Variants in TENM4 observed in about 807,000 individuals in gnomAD.
TENM4 encodes teneurin transmembrane protein 4.
In TENM4, 82 loss-of-function variants were observed where a neutral mutation model predicts 243.3. That is an observed-to-expected ratio of 0.34 (90% CI 0.28 to 0.40). TENM4 has a LOEUF of 0.40. Among genes scored for constraint, TENM4 ranks in the 10% least tolerant of loss-of-function variants. The pLI is 1.00. For synonymous variants in TENM4, 1,412 were observed against 1,456.3 expected (o/e 0.97, Z 0.69); for missense variants, 3,138 against 3,673.3 (o/e 0.85, Z 3.77).
At position 79,234,844 on chromosome 11, in the gene TENM4, G is replaced by A. The variant is rs376484514; in HGVS notation, c.-264-18935C>T. On this transcript the variant is annotated intron_variant, in intron 2 of 33. Transcript: ENST00000278550. Reference sequence around the variant, plus strand: ...TGCCTGTGTCCTTGGAGTGGGGCCCGCAGTGAGCCTTTTCCCTGGATGCGG... The same window carrying A: ...TGCCTGTGTCCTTGGAGTGGGGCCCACAGTGAGCCTTTTCCCTGGATGCGG... Among the ~76,000 whole-genome samples the A allele has an allele frequency of 1.1e-4, 16 of 152,310 alleles. No homozygotes were observed. In the East Asian group the frequency reaches 1.4e-3, roughly 13 times the overall value.
At chr11:79,302,742 T>C (rs934299923) in intron 1 of TENM4, among the ~76,000 whole-genome samples, 3 of 152,184 alleles carry the variant, frequency 2.0e-5, no homozygotes, top group Non-Finnish European at 2.9e-5. Flanking sequence ...TAACTGAAAT[T>C]GTATTTCCCC....
At chr11:78,839,198 T>A (rs1301047934) in intron 12 of TENM4, among the ~76,000 whole-genome samples, 1 of 152,222 alleles carries the variant, frequency 6.6e-6, no homozygotes, top group Non-Finnish European at 1.5e-5. Context: ...CAATCAAATC[T>A]CTTCAATTCC....
chr11:78,821,423 C>A (rs957881572), intron 12 of TENM4, among the ~76,000 whole-genome samples: 2 of 152,134 alleles, frequency 1.3e-5, no homozygotes, highest in Non-Finnish European at 2.9e-5. Flanking sequence ...AGTGGGGATG[C>A]CACAATAATC....
chr11:79,439,059 G>C, intron 1 of TENM4: 1 of 151,904 alleles, frequency 6.6e-6, no homozygotes, highest in East Asian at 1.9e-4. Context: ...GTAATTGCCC[G>C]CGATGCCGCT....
At chr11:79,391,601 T>G (rs1260812711) in intron 1 of TENM4, among the ~76,000 whole-genome samples, 1 of 152,234 alleles carries the variant, frequency 6.6e-6, no homozygotes. Context: ...TTGGGTTTTT[T>G]TTATAACTCA....
intron 6 of TENM4, among the ~76,000 whole-genome samples, chr11:78,938,856 A>G (rs1317228687): frequency 6.6e-6 from 1 of 152,198 alleles, no homozygotes; most frequent in Non-Finnish European, 1.5e-5. Context: ...CTTGGAGTAT[A>G]AGCACTTATA....
intron 26 of TENM4, 147 bp from the exon 27 acceptor site, chr11:78,708,662 G>T: frequency 2.0e-6 from 2 of 976,184 alleles, no homozygotes; most frequent in Non-Finnish European, 3.0e-6. Flanking sequence ...TCAAAGAGGA[G>T]GAGTCTCAGG....
chr11:79,393,477 T>C (rs1236410408), intron 1 of TENM4, among the ~76,000 whole-genome samples: 1 of 152,192 alleles, frequency 6.6e-6, no homozygotes, highest in Non-Finnish European at 1.5e-5. Flanking sequence ...GCTGTCAGAG[T>C]GGCTTCTTAT....
chr11:79,340,608 C>T (rs1173773503), intron 1 of TENM4, among the ~76,000 whole-genome samples: 3 of 152,108 alleles, frequency 2.0e-5, no homozygotes, highest in African/African-American at 4.8e-5. Context: ...GCCCATCATT[C>T]CTTCTCTCAT....
chr11:78,867,696 A>G (rs1257621123), intron 9 of TENM4, among the ~76,000 whole-genome samples: 1 of 152,204 alleles, frequency 6.6e-6, no homozygotes, highest in African/African-American at 2.4e-5. Context: ...TATTTATATT[A>G]TTCAGTTTCA....
chr11:79,234,119 A>G (rs576341887), intron 2 of TENM4, among the ~76,000 whole-genome samples: 62 of 152,330 alleles, frequency 4.1e-4, no homozygotes, highest in Non-Finnish European at 6.8e-4. Context: ...TTGTTTCCCT[A>G]TCTGTAAAAG....
chr11:78,740,591 A>C (rs2135909008), intron 19 of TENM4, among the ~76,000 whole-genome samples: 1 of 152,352 alleles, frequency 6.6e-6, no homozygotes, highest in South Asian at 2.1e-4. Flanking sequence ...GCTGGTGCTG[A>C]GAGATGTTTT....
At chr11:79,172,820 T>C (rs564465779) in intron 3 of TENM4, among the ~76,000 whole-genome samples, 29 of 152,194 alleles carry the variant, frequency 1.9e-4, no homozygotes, top group African/African-American at 7.0e-4. Flanking sequence ...TTTGTATTTT[T>C]AGTAGAGACG....
At chr11:79,069,139 G>A (rs543923467) in intron 5 of TENM4, among the ~76,000 whole-genome samples, 2 of 152,294 alleles carry the variant, frequency 1.3e-5, no homozygotes, top group South Asian at 4.2e-4. Context: ...GGTAGAAAGT[G>A]CAGGAGAGGG....
At chr11:78,737,032 C>T (rs1290734106) in intron 20 of TENM4, among the ~76,000 whole-genome samples, 1 of 152,166 alleles carries the variant, frequency 6.6e-6, no homozygotes, top group Non-Finnish European at 1.5e-5. Context: ...TATGAATCTA[C>T]TCTAACCAAC....
intron 4 of TENM4, among the ~76,000 whole-genome samples, chr11:79,090,290 A>C (rs1942887): frequency 0.21 from 32,450 of 152,272 alleles, 3,619 homozygotes; most frequent in Middle Eastern, 0.36. Context: ...TGGCTATTTG[A>C]AAAATATAAC....
At chr11:78,924,722 G>C (rs1856518463) in intron 6 of TENM4, 2 of 152,200 alleles carry the variant, frequency 1.3e-5, no homozygotes, top group African/African-American at 4.8e-5. Context: ...CTGGTGATGA[G>C]TTGGTTAGGA....
intron 1 of TENM4, among the ~76,000 whole-genome samples, chr11:79,421,731 CAA>C (rs1174440539): frequency 6.6e-6 from 1 of 151,608 alleles, no homozygotes; most frequent in Non-Finnish European, 1.5e-5. Flanking sequence ...CAGTTATCAG[CAA>C]GACAGTGCTT....
chr11:79,323,878 C>T (rs1249341656), intron 1 of TENM4, among the ~76,000 whole-genome samples: 1 of 133,782 alleles, frequency 7.5e-6, no homozygotes, highest in African/African-American at 2.6e-5. Flanking sequence ...TTTCTCCATC[C>T]CTATACACAC....
Sources: allele counts gnomAD v4.1 joint callset (sites outside exome capture counted in the v4.1 genomes callset), GRCh38; gene constraint gnomAD v4.1.1; transcripts MANE v1.5; gene names NCBI Gene and HGNC (gene_info 2026-07-23, HGNC 2026-07-21).